Variants in PCSK6 observed in about 807,000 individuals in gnomAD.
PCSK6 encodes paired basic amino acid cleaving enzyme 4.
In PCSK6, 85 loss-of-function variants were observed where a neutral mutation model predicts 123.3. That is an observed-to-expected ratio of 0.69 (90% CI 0.58 to 0.83). PCSK6 has a LOEUF of 0.83. PCSK6 is among the 40% of genes least tolerant of loss of function. The pLI, the probability that PCSK6 is intolerant of heterozygous loss-of-function variation, is 0.00. For missense variants in PCSK6, 1,191 were observed against 1,282.3 expected (o/e 0.93, Z 1.09); for synonymous variants, 508 against 516.0 (o/e 0.98, Z 0.21).
intron 1 of PCSK6, among the ~76,000 whole-genome samples, chr15:101,468,656 G>T (rs929609170): frequency 6.6e-6 from 1 of 152,192 alleles, no homozygotes; most frequent in Admixed American, 6.5e-5. Context: ...AAATGTCCAT[G>T]AAGGAGACAG....
In PCSK6 at chr15:101,431,355, T is replaced by C; in HGVS notation, c.622A>G (p.Ile208Val). 3 of 1,614,022 alleles carry C rather than the reference T, an allele frequency of 1.9e-6. No individual in the cohort carries two copies. The highest frequency in any genetic ancestry group is 2.5e-6 in the Non-Finnish European group (3 of 1,179,880). ...GCCAGGTCAGGGTGATTTCTCTCTATGCCATCATCAAGGATGGTGACCACC... is the reference window on the plus strand; with the variant it reads ...GCCAGGTCAGGGTGATTTCTCTCTACGCCATCATCAAGGATGGTGACCACC... ...NVVVTILDDG[I>V]ERNHPDLAPN... The change falls in exon 4 of 22, where the codon ATA becomes GTA. Residue 208 changes from isoleucine to valine, a missense_variant. Coordinates refer to ENST00000611716, the MANE Select transcript of PCSK6 (RefSeq NM_002570.5).
At chr15:101,381,796 G>A (rs973318316) in intron 11 of PCSK6, among the ~76,000 whole-genome samples, 2 of 152,224 alleles carry the variant, frequency 1.3e-5, no homozygotes, top group Non-Finnish European at 2.9e-5. Context: ...TGCTAAACAC[G>A]GGTAAGAATT....
intron 13 of PCSK6, among the ~76,000 whole-genome samples, chr15:101,360,259 A>G (rs1180671544): frequency 6.6e-6 from 1 of 152,066 alleles, no homozygotes; most frequent in East Asian, 1.9e-4. Flanking sequence ...ACTTCCGTCT[A>G]TTCTGACCAG....
intron 17 of PCSK6, 33 bp downstream of exon 17, chr15:101,324,817 A>C (rs1596183943): frequency 6.4e-7 from 1 of 1,570,332 alleles, no homozygotes; most frequent in Non-Finnish European, 8.7e-7. Flanking sequence ...GGGCTGGCTC[A>C]TCAGTTCTTG....
At chr15:101,338,234 G>A (rs1173924666) in intron 13 of PCSK6, among the ~76,000 whole-genome samples, 4 of 152,142 alleles carry the variant, frequency 2.6e-5, no homozygotes, top group Non-Finnish European at 1.5e-5. Flanking sequence ...GCTTAACTGA[G>A]GCAGGAGAGT....
chr15:101,446,107 A>T (rs1043520294), intron 1 of PCSK6, among the ~76,000 whole-genome samples: 3 of 152,258 alleles, frequency 2.0e-5, no homozygotes, highest in Non-Finnish European at 4.4e-5. Context: ...CAGCGGCCAG[A>T]ACTCCATCTG....
intron 13 of PCSK6, chr15:101,347,244 A>T (rs766674351): frequency 9.7e-5 from 120 of 1,232,394 alleles, no homozygotes; most frequent in Non-Finnish European, 1.2e-4. Context: ...TCGAACACAG[A>T]TTGCAAAATC....
intron 12 of PCSK6, among the ~76,000 whole-genome samples, chr15:101,369,858 TTC>T: frequency 6.6e-6 from 1 of 152,318 alleles, no homozygotes. Context: ...CCTGTCTGTA[TTC>T]CCGGGACAGG....
intron 13 of PCSK6, among the ~76,000 whole-genome samples, chr15:101,362,170 A>C (rs762426221): frequency 1.2e-4 from 19 of 152,098 alleles, no homozygotes; most frequent in South Asian, 6.2e-4. Context: ...GTTGGCCAGG[A>C]TGGTCTCGAT....
intron 6 of PCSK6, among the ~76,000 whole-genome samples, chr15:101,424,177 G>A (rs2056176922): frequency 6.6e-6 from 1 of 151,736 alleles, no homozygotes; most frequent in Admixed American, 6.6e-5. Flanking sequence ...TAAGGCTGCA[G>A]TGAGCTATGA....
Position 101,479,640 on chromosome 15 carries a change from C to T in PCSK6, c.297+9734G>A, listed in dbSNP as rs551384746. Among the ~76,000 whole-genome samples, 23 of 152,256 alleles carry T rather than the reference C, an allele frequency of 1.5e-4. 1 individual carries two copies. In the South Asian group the frequency reaches 3.3e-3, roughly 22 times the overall value. On this transcript the variant is annotated intron_variant, in intron 1 of 21. Transcript: ENST00000611716. ...GACATCTGGTTTCCCATCTGGAGGA[C>T]GGGGTACAAGATAGGTGAGCAGAAC...
chr15:101,407,087 G>A (rs1228846412), intron 6 of PCSK6, among the ~76,000 whole-genome samples: 1 of 152,014 alleles, frequency 6.6e-6, no homozygotes, highest in East Asian at 1.9e-4. Flanking sequence ...GACCAGCGTG[G>A]GAGGCTGGCA....
chr15:101,334,390 G>A (rs12914072), intron 13 of PCSK6: 4 of 83,074 alleles, frequency 4.8e-5, no homozygotes, highest in African/African-American at 9.8e-5. Context: ...TGTTCTCACC[G>A]CTGCAGCAGT....
rs140896931 is a variant in PCSK6 at position 101,385,268 on chromosome 15, T to C, written c.1311-843A>G. On this transcript the variant is annotated intron_variant, in intron 9 of 21. Transcript: ENST00000611716. ...CCTGGGTTCAAGCAATCCTCCTGCATTGGCTTCCCAAAGTGTTAGGATTAC... is the reference window on the plus strand; with the variant it reads ...CCTGGGTTCAAGCAATCCTCCTGCACTGGCTTCCCAAAGTGTTAGGATTAC... Among the ~76,000 whole-genome samples, 138 of 152,346 alleles carry C rather than the reference T, an allele frequency of 9.1e-4. 1 individual carries two copies. In the East Asian group the frequency reaches 0.018, roughly 19 times the overall value.
At chr15:101,453,408 C>G (rs566504714) in intron 1 of PCSK6, among the ~76,000 whole-genome samples, 2 of 152,196 alleles carry the variant, frequency 1.3e-5, no homozygotes, top group African/African-American at 4.8e-5. Context: ...CCCTGCTGCT[C>G]GCTAACTTCC....
intron 1 of PCSK6, among the ~76,000 whole-genome samples, chr15:101,451,228 A>G (rs2057026221): frequency 6.6e-6 from 1 of 152,008 alleles, no homozygotes; most frequent in African/African-American, 2.4e-5. Flanking sequence ...TCTACTTTAC[A>G]TGTTTAATTT....
intron 13 of PCSK6, among the ~76,000 whole-genome samples, chr15:101,345,302 T>C (rs906377539): frequency 2.6e-5 from 4 of 152,258 alleles, no homozygotes; most frequent in Non-Finnish European, 4.4e-5. Flanking sequence ...TCTTTTAACA[T>C]TTTGATCTTG....
chr15:101,486,307 A>C (rs916768129), intron 1 of PCSK6, among the ~76,000 whole-genome samples: 1 of 152,200 alleles, frequency 6.6e-6, no homozygotes, highest in African/African-American at 2.4e-5. Flanking sequence ...TCTCTATAAA[A>C]GTCTCACCTT....
chr15:101,382,818 A>G (rs2041947221), intron 10 of PCSK6, among the ~76,000 whole-genome samples: 1 of 152,170 alleles, frequency 6.6e-6, no homozygotes, highest in Non-Finnish European at 1.5e-5. Context: ...CATACAATCT[A>G]TTCTCCTATT....
Sources: allele counts gnomAD v4.1 joint callset (sites outside exome capture counted in the v4.1 genomes callset), GRCh38; gene constraint gnomAD v4.1.1; transcripts MANE v1.5; gene names NCBI Gene and HGNC (gene_info 2026-07-23, HGNC 2026-07-21).